The following ARNT2 variants were observed in gnomAD, a reference collection of about 807,000 sequenced individuals.
ARNT2 encodes aryl hydrocarbon receptor nuclear translocator 2.
In ARNT2, 36 loss-of-function variants were observed where a neutral mutation model predicts 91.7. The observed-to-expected ratio is 0.39, with a 90% confidence interval of 0.30 to 0.52. The LOEUF is 0.52. Ranked by LOEUF, ARNT2 falls within the 20% of genes least tolerant of loss-of-function variation. ARNT2 has a pLI of 0.72. For missense variants in ARNT2, 775 were observed against 939.3 expected, an observed-to-expected ratio of 0.83 and a Z score of 2.29; for synonymous variants, 365 against 347.1, an observed-to-expected ratio of 1.05 and a Z score of -0.57.
intron 5 of ARNT2, among the ~76,000 whole-genome samples, chr15:80,480,023 G>A (rs1424314287): frequency 1.3e-5 from 2 of 152,148 alleles, no homozygotes; most frequent in Non-Finnish European, 2.9e-5. Flanking sequence ...GCTCCTTATG[G>A]GGAAGGACGA....
chr15:80,481,936 C>A (rs1896897805), intron 5 of ARNT2, among the ~76,000 whole-genome samples: 1 of 152,140 alleles, frequency 6.6e-6, no homozygotes, highest in Non-Finnish European at 1.5e-5. Context: ...AGGTCTTGCT[C>A]TGTCACCCAG....
chr15:80,497,083 C>G (rs1897133912), intron 5 of ARNT2, among the ~76,000 whole-genome samples: 1 of 152,164 alleles, frequency 6.6e-6, no homozygotes, highest in African/African-American at 2.4e-5. Flanking sequence ...ATGTTGGGGA[C>G]CATGTGGGCA....
chr15:80,565,313 A>G (rs1437115731), intron 12 of ARNT2, among the ~76,000 whole-genome samples: 1 of 152,186 alleles, frequency 6.6e-6, no homozygotes, highest in African/African-American at 2.4e-5. Flanking sequence ...ATGAACCTGC[A>G]AGTCCAAGTG....
chr15:80,433,221 G>A (rs1595959682), intron 1 of ARNT2, among the ~76,000 whole-genome samples: 1 of 133,204 alleles, frequency 7.5e-6, no homozygotes, highest in African/African-American at 2.8e-5. Flanking sequence ...TTTAGAAAAG[G>A]CACTATATTT....
chr15:80,570,289 C>G (rs1057294599), intron 12 of ARNT2, among the ~76,000 whole-genome samples: 1 of 152,190 alleles, frequency 6.6e-6, no homozygotes, highest in Admixed American at 6.5e-5. Context: ...ATAGTTCACA[C>G]CCTGGACACT....
At chr15:80,494,824 C>T (rs555756365) in intron 5 of ARNT2, among the ~76,000 whole-genome samples, 1 of 152,236 alleles carries the variant, frequency 6.6e-6, no homozygotes, top group African/African-American at 2.4e-5. Flanking sequence ...CCAAATGTGC[C>T]AGTCTTGGTC....
chr15:80,421,381 C>A (rs1895858324), intron 1 of ARNT2, among the ~76,000 whole-genome samples: 1 of 112,374 alleles, frequency 8.9e-6, no homozygotes. Flanking sequence ...AGTTGTACCC[C>A]TAAAGCTATT....
chr15:80,549,736 T>C (rs1898050559), intron 8 of ARNT2, among the ~76,000 whole-genome samples: 1 of 152,178 alleles, frequency 6.6e-6, no homozygotes, highest in Non-Finnish European at 1.5e-5. Flanking sequence ...GAAGCAGACC[T>C]CCTATACATT....
Position 80,593,582 on chromosome 15 carries a change from T to C in ARNT2, c.2056-18T>C. On this transcript the variant is annotated intron_variant, in intron 18 of 18. Transcript: ENST00000303329. ...AGGAGCTGACTCCCCTGTGGCTCTC[T>C]TTTCCTCTCCTCTGCAGGACATGCT... 1 of 1,566,474 alleles carries C rather than the reference T, an allele frequency of 6.4e-7. No homozygotes were observed.
At chr15:80,435,897 A>C (rs944803487) in intron 1 of ARNT2, among the ~76,000 whole-genome samples, 3 of 152,144 alleles carry the variant, frequency 2.0e-5, no homozygotes, top group Non-Finnish European at 4.4e-5. Context: ...AAAGGAAAAA[A>C]ATGTGTTGAA....
intron 1 of ARNT2, among the ~76,000 whole-genome samples, chr15:80,437,016 C>T (rs1441705921): frequency 6.6e-6 from 1 of 152,152 alleles, no homozygotes; most frequent in Non-Finnish European, 1.5e-5. Context: ...TCTGGATTTA[C>T]CTGCTGTGTC....
chr15:80,486,970 T>G (rs1896985669), intron 5 of ARNT2, among the ~76,000 whole-genome samples: 1 of 152,184 alleles, frequency 6.6e-6, no homozygotes, highest in Non-Finnish European at 1.5e-5. Context: ...TCCTTCCAGA[T>G]GGGGCTACTG....
chr15:80,434,837 A>C (rs1444960297), intron 1 of ARNT2, among the ~76,000 whole-genome samples: 1 of 152,104 alleles, frequency 6.6e-6, no homozygotes, highest in East Asian at 1.9e-4. Context: ...GCTCGGGTTA[A>C]GATAGGTAAG....
At chr15:80,419,637 G>A (rs546933270) in intron 1 of ARNT2, among the ~76,000 whole-genome samples, 88 of 152,332 alleles carry the variant, frequency 5.8e-4, no homozygotes, top group African/African-American at 2.0e-3. Flanking sequence ...CATTGACATG[G>A]CATGGTGCCC....
intron 8 of ARNT2, among the ~76,000 whole-genome samples, chr15:80,520,970 C>T (rs1194379776): frequency 6.6e-6 from 1 of 152,172 alleles, no homozygotes; most frequent in Admixed American, 6.5e-5. Flanking sequence ...CTATTTATAG[C>T]AGTCTGTGCT....
intron 8 of ARNT2, among the ~76,000 whole-genome samples, chr15:80,545,822 G>A (rs937806365): frequency 6.6e-6 from 1 of 152,236 alleles, no homozygotes; most frequent in Admixed American, 6.5e-5. Flanking sequence ...GGGAATATCT[G>A]TTAGTAGCAG....
chr15:80,420,153 TA>T (rs961634113), intron 1 of ARNT2, among the ~76,000 whole-genome samples: 1 of 151,866 alleles, frequency 6.6e-6, no homozygotes, highest in Non-Finnish European at 1.5e-5. Context: ...CTTTTTAGTT[TA>T]AAAAAAAGAC....
intron 14 of ARNT2, among the ~76,000 whole-genome samples, chr15:80,576,410 G>C (rs986104239): frequency 2.2e-4 from 33 of 152,108 alleles, no homozygotes; most frequent in African/African-American, 6.8e-4. Flanking sequence ...CCGAGTAGCT[G>C]GAACTACAGA....
Position 80,470,311 on chromosome 15 carries a change from G to C in ARNT2, c.288G>C (p.Leu96=), listed in dbSNP as rs1322372270. 1 of 1,614,048 alleles carries C rather than the reference G, an allele frequency of 6.2e-7. No homozygotes were observed. Among genetic ancestry groups the C allele is most frequent in the African/African-American group, 1.3e-5 (1 of 74,922 alleles). The change falls in exon 4 of 19, where the codon CTG becomes CTC. Residue 96 remains leucine, a synonymous_variant. Transcript: ENST00000303329. ...LSDMVPTCSA[L]ARKPDKLTIL... Reference sequence around the variant, plus strand: ...ACATGGTCCCCACATGCAGCGCACTGGCTCGGAAGCCAGACAAGCTCACCA... The same window carrying C: ...ACATGGTCCCCACATGCAGCGCACTCGCTCGGAAGCCAGACAAGCTCACCA...
Sources: allele counts gnomAD v4.1 joint callset (sites outside exome capture counted in the v4.1 genomes callset), GRCh38; gene constraint gnomAD v4.1.1; transcripts MANE v1.5; gene names NCBI Gene and HGNC (gene_info 2026-07-23, HGNC 2026-07-21).